MYO5A: variants seen among roughly 807,000 people sequenced by gnomAD.
MYO5A encodes the protein unconventional myosin-Va.
Under a neutral mutation model 249.7 loss-of-function variants are expected in MYO5A, and 98 were observed. The observed-to-expected ratio is 0.39, with a 90% CI of 0.33 to 0.46. The LOEUF (loss-of-function observed/expected upper bound fraction) is 0.46. Ranked by LOEUF, MYO5A falls within the 20% of genes least tolerant of loss-of-function variation. MYO5A has a pLI of 0.98. For synonymous variants in MYO5A, 778 were observed against 810.6 expected, an observed-to-expected ratio of 0.96 and a Z score of 0.68; for missense variants, 1,696 against 2,308.8, an observed-to-expected ratio of 0.73 and a Z score of 5.44.
intron 14 of MYO5A, among the ~76,000 whole-genome samples, chr15:52,386,153 CA>C (rs1338829619): frequency 6.6e-6 from 1 of 151,932 alleles, no homozygotes; most frequent in East Asian, 1.9e-4. Context: ...CCCATCTCAA[CA>C]AAAAATTAGA....
intron 1 of MYO5A, among the ~76,000 whole-genome samples, chr15:52,526,314 C>G (rs922828078): frequency 2.0e-5 from 3 of 152,210 alleles, no homozygotes; most frequent in African/African-American, 7.2e-5. Flanking sequence ...CATCCTGCCT[C>G]AGCTCTCGAG....
intron 25 of MYO5A, among the ~76,000 whole-genome samples, chr15:52,357,802 T>C (rs2040321002): frequency 6.6e-6 from 1 of 152,190 alleles, no homozygotes; most frequent in Non-Finnish European, 1.5e-5. Flanking sequence ...TTGTTTCGCT[T>C]TTTGCCTTAG....
At chr15:52,330,567 C>T in intron 34 of MYO5A, 68 bp from the exon 35 acceptor site, 1 of 1,581,358 alleles carries the variant, frequency 6.3e-7, no homozygotes, top group African/African-American at 1.3e-5. Context: ...TCTCCAAGTT[C>T]CTATAATTTT....
At chr15:52,415,783 T>G (rs1265049642) in intron 5 of MYO5A, among the ~76,000 whole-genome samples, 1 of 152,148 alleles carries the variant, frequency 6.6e-6, no homozygotes, top group Non-Finnish European at 1.5e-5. Context: ...AACTCAGGAC[T>G]TGGGGGAAAT....
intron 19 of MYO5A, 32 bp downstream of exon 19, chr15:52,376,315 T>C (rs1249248126): frequency 2.5e-6 from 4 of 1,601,768 alleles, no homozygotes; most frequent in South Asian, 1.1e-5. Flanking sequence ...GTGAATTAGA[T>C]GGGCACTCTA....
At chr15:52,420,108 C>A (rs1047165581) in intron 4 of MYO5A, among the ~76,000 whole-genome samples, 2 of 152,022 alleles carry the variant, frequency 1.3e-5, no homozygotes, top group African/African-American at 4.8e-5. Context: ...GAATTTGAGA[C>A]CAGCCTGGGC....
At chr15:52,350,318 C>T (rs1406276208) in intron 28 of MYO5A, among the ~76,000 whole-genome samples, 1 of 152,190 alleles carries the variant, frequency 6.6e-6, no homozygotes, top group African/African-American at 2.4e-5. Flanking sequence ...AGTCAAACAT[C>T]TTGTTTTTAG....
chr15:52,467,024 A>G (rs2076367588), intron 1 of MYO5A, among the ~76,000 whole-genome samples: 1 of 152,238 alleles, frequency 6.6e-6, no homozygotes, highest in Non-Finnish European at 1.5e-5. Context: ...AAATCATACA[A>G]AGTCTTTGTC....
Position 52,407,406 on chromosome 15 carries a change from T to G in MYO5A, c.839-7A>C. The G allele has an allele frequency of 6.2e-7, 1 of 1,607,320 alleles. No individual in the cohort carries two copies. The highest frequency in any genetic ancestry group is 8.5e-7 in the Non-Finnish European group (1 of 1,173,948). ...TTAAAGTTATCTGCATTTCCTGTAA[T>G]GAAGAAAAATAAAAATTTTCTGGTT... On this transcript the variant is annotated splice_polypyrimidine_tract_variant and splice_region_variant and intron_variant, in intron 7 of 41. Transcript: ENST00000399233.
intron 9 of MYO5A, among the ~76,000 whole-genome samples, chr15:52,404,354 C>T (rs1040893424): frequency 1.3e-5 from 2 of 151,042 alleles, no homozygotes; most frequent in African/African-American, 4.9e-5. Context: ...TCATGTCTCA[C>T]ACATCTAATA....
chr15:52,492,060 T>A (rs1315991114), intron 1 of MYO5A, among the ~76,000 whole-genome samples: 4 of 152,216 alleles, frequency 2.6e-5, no homozygotes, highest in African/African-American at 9.6e-5. Flanking sequence ...AAACACTGGC[T>A]TGATATTTGA....
chr15:52,464,630 G>A (rs538743563), intron 1 of MYO5A, among the ~76,000 whole-genome samples: 43 of 152,196 alleles, frequency 2.8e-4, no homozygotes, highest in Non-Finnish European at 6.0e-4. Flanking sequence ...AAATATGTGT[G>A]AAATGAAAGT....
chr15:52,434,359 T>C (rs2075615158), intron 1 of MYO5A, among the ~76,000 whole-genome samples: 4 of 152,106 alleles, frequency 2.6e-5, no homozygotes, highest in Admixed American at 2.6e-4. Context: ...TAGTGATTTC[T>C]CAGACATCCT....
intron 1 of MYO5A, among the ~76,000 whole-genome samples, chr15:52,474,422 T>C (rs1359074013): frequency 6.6e-6 from 1 of 152,172 alleles, no homozygotes; most frequent in Non-Finnish European, 1.5e-5. Flanking sequence ...CTTCCAACAC[T>C]ATGTTGAATA....
chr15:52,526,788 T>G (rs1315433216), intron 1 of MYO5A, among the ~76,000 whole-genome samples: 1 of 152,152 alleles, frequency 6.6e-6, no homozygotes, highest in African/African-American at 2.4e-5. Flanking sequence ...TCACAACATC[T>G]TTTCAATTTT....
At chr15:52,519,628 T>C (rs1463526163) in intron 1 of MYO5A, among the ~76,000 whole-genome samples, 2 of 150,850 alleles carry the variant, frequency 1.3e-5, no homozygotes, top group African/African-American at 2.4e-5. Flanking sequence ...ATAATAATAA[T>C]AATAATAATA....
chr15:52,366,017 C>T (rs1343403883), intron 23 of MYO5A, among the ~76,000 whole-genome samples: 1 of 152,050 alleles, frequency 6.6e-6, no homozygotes, highest in Non-Finnish European at 1.5e-5. Flanking sequence ...TCATTAATTC[C>T]AGGTTTTCTT....
intron 1 of MYO5A, among the ~76,000 whole-genome samples, chr15:52,449,195 C>T (rs1018283730): frequency 1.3e-5 from 2 of 151,926 alleles, no homozygotes; most frequent in African/African-American, 4.8e-5. Flanking sequence ...TCTTGAACTC[C>T]TGACTTCAAG....
chr15:52,511,498 C>T (rs1347489505), intron 1 of MYO5A, among the ~76,000 whole-genome samples: 1 of 152,196 alleles, frequency 6.6e-6, no homozygotes, highest in Non-Finnish European at 1.5e-5. Context: ...AGCTTCTGAG[C>T]AATGAGGCTA....
Sources: allele counts gnomAD v4.1 joint callset (sites outside exome capture counted in the v4.1 genomes callset), GRCh38; gene constraint gnomAD v4.1.1; transcripts MANE v1.5; gene names NCBI Gene and HGNC (gene_info 2026-07-23, HGNC 2026-07-21).